The following KHDRBS2 variants were observed in gnomAD, a reference collection of about 807,000 sequenced individuals.
KHDRBS2 encodes the protein KH RNA binding domain containing, signal transduction associated 2, also known as KH domain-containing, RNA-binding, signal transduction-associated protein 2.
In KHDRBS2, 26 loss-of-function variants were observed where a neutral mutation model predicts 44.3. The observed-to-expected ratio is 0.59, with a 90% CI of 0.43 to 0.81. The LOEUF (loss-of-function observed/expected upper bound fraction) is 0.81, where lower values mean the gene tolerates loss of function less well. KHDRBS2 is among the 40% of genes least tolerant of loss of function. The pLI is 0.00. For missense variants in KHDRBS2, 476 were observed against 433.1 expected, an observed-to-expected ratio of 1.10 and a Z score of -0.88; for synonymous variants, 194 against 151.1, an observed-to-expected ratio of 1.28 and a Z score of -2.08.
At chr6:62,042,716 A>T (rs1284656352) in intron 3 of KHDRBS2, among the ~76,000 whole-genome samples, 1 of 152,118 alleles carries the variant, frequency 6.6e-6, no homozygotes, top group Non-Finnish European at 1.5e-5. Flanking sequence ...TTTACTGTTG[A>T]TGAAAATCAA....
At chr6:61,998,915 T>C (rs1490090452) in intron 3 of KHDRBS2, among the ~76,000 whole-genome samples, 1 of 152,018 alleles carries the variant, frequency 6.6e-6, no homozygotes, top group Non-Finnish European at 1.5e-5. Context: ...ATCACACATA[T>C]ACACAAATAT....
At chr6:61,703,149 C>A (rs1209195588) in intron 7 of KHDRBS2, among the ~76,000 whole-genome samples, 1 of 151,636 alleles carries the variant, frequency 6.6e-6, no homozygotes, top group Non-Finnish European at 1.5e-5. Flanking sequence ...TATATAAAAT[C>A]CATTTGTCTA....
At chr6:61,616,643 T>A in the KHDRBS2 span, among the ~76,000 whole-genome samples, 77 of 152,196 alleles carry the variant, frequency 5.1e-4, no homozygotes, top group Admixed American at 2.4e-3. Flanking sequence ...TAAACTTACA[T>A]ATATTGCACA....
chr6:61,848,316 T>C (rs1794707088), intron 6 of KHDRBS2, among the ~76,000 whole-genome samples: 1 of 150,090 alleles, frequency 6.7e-6, no homozygotes, highest in Non-Finnish European at 1.5e-5. Flanking sequence ...TTCAAAATCC[T>C]AGAGCTTGAA....
At chr6:61,824,507 CT>C (rs1790528792) in intron 6 of KHDRBS2, among the ~76,000 whole-genome samples, 1 of 152,086 alleles carries the variant, frequency 6.6e-6, no homozygotes, top group Non-Finnish European at 1.5e-5. Flanking sequence ...ATTAACCCTC[CT>C]GTCTTCATAA....
intron 7 of KHDRBS2, among the ~76,000 whole-genome samples, chr6:61,700,882 G>C (rs1390260667): frequency 6.6e-6 from 1 of 151,700 alleles, no homozygotes; most frequent in African/African-American, 2.4e-5. Context: ...TTACACTACT[G>C]CTTGCCTCGG....
At chr6:61,901,428 G>GT in intron 4 of KHDRBS2, 57 bp from the exon 5 acceptor site, 3 of 1,268,794 alleles carry the variant, frequency 2.4e-6, no homozygotes, top group Non-Finnish European at 3.1e-6. Context: ...TCTCAGAGTT[G>GT]GAAAAAAAAA....
intron 1 of KHDRBS2, among the ~76,000 whole-genome samples, chr6:62,226,416 T>G (rs937429865): frequency 6.6e-6 from 1 of 152,224 alleles, no homozygotes; most frequent in Non-Finnish European, 1.5e-5. Context: ...TTAAGGTCCT[T>G]GTAGATTCTG....
intron 6 of KHDRBS2, among the ~76,000 whole-genome samples, chr6:61,774,108 G>T (rs1582757893): frequency 6.6e-6 from 1 of 152,268 alleles, no homozygotes; most frequent in East Asian, 1.9e-4. Context: ...TTTGGCTTAG[G>T]ATTGACTTGG....
intron 3 of KHDRBS2, among the ~76,000 whole-genome samples, chr6:61,996,723 C>A (rs190380551): frequency 5.3e-4 from 81 of 152,212 alleles, no homozygotes; most frequent in African/African-American, 1.5e-3. Flanking sequence ...ACTTTAATAT[C>A]TTTTCATTGT....
chr6:61,590,590 A>G, the KHDRBS2 span, among the ~76,000 whole-genome samples: 2 of 152,190 alleles, frequency 1.3e-5, no homozygotes, highest in Non-Finnish European at 2.9e-5. Context: ...TTTGTTTCTC[A>G]CAGTAGGACT....
chr6:61,932,000 GCTTA>G (rs1332168090), intron 4 of KHDRBS2, among the ~76,000 whole-genome samples: 3 of 151,856 alleles, frequency 2.0e-5, no homozygotes, highest in African/African-American at 7.3e-5. Context: ...GTTTTCACTA[GCTTA>G]CTTTATTGTA....
chr6:62,076,169 A>G (rs73758650), intron 2 of KHDRBS2, among the ~76,000 whole-genome samples: 3,733 of 152,012 alleles, frequency 0.025, 165 homozygotes, highest in African/African-American at 0.084. Flanking sequence ...TGGATTAAAG[A>G]GTTTTTTCAT....
the KHDRBS2 span, among the ~76,000 whole-genome samples, chr6:61,634,998 G>A: frequency 6.6e-6 from 1 of 151,972 alleles, no homozygotes; most frequent in East Asian, 1.9e-4. Flanking sequence ...GTAATTTCTT[G>A]CTTATGAAAC....
intron 2 of KHDRBS2, among the ~76,000 whole-genome samples, chr6:62,157,421 T>A (rs1179221917): frequency 6.6e-6 from 1 of 152,210 alleles, no homozygotes; most frequent in Non-Finnish European, 1.5e-5. Context: ...CTACTCAACA[T>A]ATATCCAACT....
In KHDRBS2 at chr6:62,090,711, C is replaced by A. The variant is rs960708996; in HGVS notation, c.220-42717G>T. ...TCCAAGAGTCTGATTTAAAAAGAAA[C>A]AGAAGTTGCTAAAATGAAGTATATA... On this transcript the variant is annotated intron_variant, in intron 2 of 8. Transcript: ENST00000281156. Among the ~76,000 whole-genome samples, 30 of 151,982 alleles carry A rather than the reference C, an allele frequency of 2.0e-4. 1 individual carries two copies. Among genetic ancestry groups the A allele is most frequent in the Non-Finnish European group, 3.5e-4 (24 of 67,994 alleles).
the KHDRBS2 span, among the ~76,000 whole-genome samples, chr6:61,616,065 G>C: frequency 1.3e-5 from 2 of 152,186 alleles, no homozygotes; most frequent in Non-Finnish European, 2.9e-5. Context: ...GAGTTAGACA[G>C]ATTATAGTTC....
At chr6:61,562,737 G>A in the KHDRBS2 span, among the ~76,000 whole-genome samples, 5 of 152,024 alleles carry the variant, frequency 3.3e-5, no homozygotes, top group African/African-American at 1.2e-4. Flanking sequence ...TCCAAAACAC[G>A]AAACTATCTC....
At chr6:62,261,850 C>G (rs1563152856) in intron 1 of KHDRBS2, among the ~76,000 whole-genome samples, 1 of 151,844 alleles carries the variant, frequency 6.6e-6, no homozygotes, top group East Asian at 1.9e-4. Context: ...ATAATTCTGA[C>G]AACACTTATG....
Sources: allele counts gnomAD v4.1 joint callset (sites outside exome capture counted in the v4.1 genomes callset), GRCh38; gene constraint gnomAD v4.1.1; transcripts MANE v1.5; gene names NCBI Gene and HGNC (gene_info 2026-07-23, HGNC 2026-07-21).